NR2C2: variants seen among roughly 807,000 people sequenced by gnomAD.
The protein encoded by NR2C2 is nuclear receptor subfamily 2 group C member 2.
In NR2C2, 6 loss-of-function variants were observed where a neutral mutation model predicts 62.9. That is an observed-to-expected ratio of 0.10 (90% CI 0.05 to 0.19). The LOEUF (loss-of-function observed/expected upper bound fraction) is 0.19. Ranked by LOEUF, NR2C2 falls within the 10% of genes least tolerant of loss-of-function variation. The pLI is 1.00. For synonymous variants in NR2C2, 272 were observed against 273.8 expected, an observed-to-expected ratio of 0.99 and a Z score of 0.07; for missense variants, 479 against 762.7, an observed-to-expected ratio of 0.63 and a Z score of 4.38.
At chr3:14,970,869 AC>A (rs1215063105) in intron 1 of NR2C2, among the ~76,000 whole-genome samples, 1 of 152,206 alleles carries the variant, frequency 6.6e-6, no homozygotes, top group East Asian at 1.9e-4. Flanking sequence ...GGTTCAACTT[AC>A]AATTTTTTAA....
At position 15,043,118 on chromosome 3, in the gene NR2C2, T is replaced by G; in HGVS notation, c.*110T>G. On this transcript the variant is annotated 3_prime_UTR_variant, in exon 14 of 14. Transcript: ENST00000425241. ...GCAAATATTTCCATATGTTAGCCAT[T>G]TCCTGTCTGGTTTCTCCTTATCTGT... 1 of 1,045,194 alleles carries G rather than the reference T, an allele frequency of 9.6e-7. No homozygotes were observed. Among genetic ancestry groups the G allele is most frequent in the Non-Finnish European group, 1.3e-6 (1 of 759,860 alleles). The allele number at this position is 1,045,194 out of a possible 1,614,324, so 64.7% of individuals were successfully genotyped here. A position where few individuals can be genotyped will look rare whatever the true frequency, so the allele number is the denominator to read the frequency against.
At chr3:15,025,401 T>C (rs565500441) in intron 7 of NR2C2, among the ~76,000 whole-genome samples, 48 of 152,310 alleles carry the variant, frequency 3.2e-4, no homozygotes, top group Non-Finnish European at 6.5e-4. Flanking sequence ...TAAATGTTAA[T>C]GGTTAGGAAT....
intron 8 of NR2C2, 84 bp from the exon 9 acceptor site, chr3:15,030,191 A>G: frequency 8.9e-7 from 1 of 1,121,094 alleles, no homozygotes. Flanking sequence ...TTCCCACTGT[A>G]GTTTTTCTAA....
In NR2C2 at chr3:15,041,526, GAAAGGAA is replaced by G. The variant is rs112590838; in HGVS notation, c.1617-1296_1617-1290del. Among the ~76,000 whole-genome samples, 17 of 152,278 alleles carry G rather than the reference GAAAGGAA, an allele frequency of 1.1e-4. 1 individual carries two copies. Among genetic ancestry groups the G allele is most frequent in the South Asian group, 4.1e-4 (2 of 4,824 alleles). Reference sequence around the variant, plus strand: ...CTCTAGAAAAATTTAGAATGTTCTAGAAAGGAAAAAGGAAAAAGAAAACTTTTTAAAA... The same window carrying G: ...CTCTAGAAAAATTTAGAATGTTCTAGAAAGGAAAAAGAAAACTTTTTAAAA... On this transcript the variant is annotated intron_variant, in intron 13 of 13. Transcript: ENST00000425241.
At chr3:14,993,370 C>T (rs1203429737) in intron 1 of NR2C2, among the ~76,000 whole-genome samples, 6 of 151,626 alleles carry the variant, frequency 4.0e-5, no homozygotes, top group Non-Finnish European at 7.4e-5. Context: ...AGGAGAATCG[C>T]TTGAACCTGG....
chr3:14,955,433 C>CT (rs960675443), intron 1 of NR2C2, among the ~76,000 whole-genome samples: 43 of 149,054 alleles, frequency 2.9e-4, no homozygotes, highest in Middle Eastern at 3.5e-3. Context: ...TTTCCTGTCA[C>CT]TTTTTTTTTT....
In NR2C2 at chr3:14,973,296, G is replaced by A. The variant is rs1252685919; in HGVS notation, c.-40+25390G>A. Reference sequence around the variant, plus strand: ...GCTGGAATGCATTGGCACAAACATAGCTTAATCCAGCATAGACTTCCTGGG... The same window carrying A: ...GCTGGAATGCATTGGCACAAACATAACTTAATCCAGCATAGACTTCCTGGG... On this transcript the variant is annotated intron_variant, in intron 1 of 13. Coordinates refer to ENST00000425241, the MANE Select transcript of NR2C2 (RefSeq NM_001291694.2). Among the ~76,000 whole-genome samples the A allele has an allele frequency of 7.9e-5, 12 of 152,052 alleles. 1 individual carries two copies. The South Asian group carries it at 2.3e-3, about 29-fold the overall frequency.
At chr3:14,974,250 T>C (rs2040137586) in intron 1 of NR2C2, among the ~76,000 whole-genome samples, 1 of 152,248 alleles carries the variant, frequency 6.6e-6, no homozygotes, top group Admixed American at 6.5e-5. Context: ...TTTGTTTGTA[T>C]GTCTCTCTTT....
rs2042501966 is a variant in NR2C2 at position 15,047,611 on chromosome 3, T to C, written c.*4603T>C. ...CCTGACTCCCAAAGATGGTAGCAAT[T>C]TCCCAGGCTTGCGCTGTGCTCAGTC... is the stretch of plus-strand genomic sequence containing the variant. On this transcript the variant is annotated 3_prime_UTR_variant, in exon 14 of 14. Transcript: ENST00000425241. 6.6e-6 allele frequency: 1 copy of C among 152,212 alleles called. No individual in the cohort carries two copies. Among genetic ancestry groups the C allele is most frequent in the Non-Finnish European group, 1.5e-5 (1 of 68,044 alleles). 9.4% of individuals were successfully genotyped at this position (152,212 alleles called of 1,614,324 possible). A position where few individuals can be genotyped will look rare whatever the true frequency, so the allele number is the denominator to read the frequency against.
intron 1 of NR2C2, 128 bp from the exon 2 acceptor site, chr3:15,003,748 G>C (rs1252707606): frequency 3.4e-6 from 2 of 582,326 alleles, no homozygotes; most frequent in South Asian, 2.0e-5. Flanking sequence ...CATCCTTCTG[G>C]GTCCATACCT....
At chr3:14,955,434 T>G (rs2125224726) in intron 1 of NR2C2, among the ~76,000 whole-genome samples, 1 of 149,996 alleles carries the variant, frequency 6.7e-6, no homozygotes, top group Non-Finnish European at 1.5e-5. Context: ...TTCCTGTCAC[T>G]TTTTTTTTTC....
In NR2C2 at chr3:15,030,467, C is replaced by G. The variant is rs2041951052; in HGVS notation, c.1110+15C>G. ...TCACATTTAAGGTGAGTGAATTCAG[C>G]CTAACCATGTGCCCCCAACCTGCTG... On this transcript the variant is annotated intron_variant, in intron 9 of 13. Coordinates refer to ENST00000425241, the MANE Select transcript of NR2C2 (RefSeq NM_001291694.2). The G allele has an allele frequency of 1.9e-6, 3 of 1,556,804 alleles. No individual in the cohort carries two copies. The highest frequency in any genetic ancestry group is 2.6e-6 in the Non-Finnish European group (3 of 1,154,340).
At chr3:14,961,025 C>T (rs2039674957) in intron 1 of NR2C2, among the ~76,000 whole-genome samples, 1 of 152,194 alleles carries the variant, frequency 6.6e-6, no homozygotes, top group Non-Finnish European at 1.5e-5. Context: ...CTTATCTCCT[C>T]AGTTTCAGAC....
At chr3:14,999,725 G>T (rs2040935338) in intron 1 of NR2C2, among the ~76,000 whole-genome samples, 1 of 151,034 alleles carries the variant, frequency 6.6e-6, no homozygotes, top group Non-Finnish European at 1.5e-5. Flanking sequence ...CCCTGCATTT[G>T]ATTTCCACTT....
At chr3:15,030,677 A>G (rs1183217547) in intron 9 of NR2C2, among the ~76,000 whole-genome samples, 3 of 151,960 alleles carry the variant, frequency 2.0e-5, no homozygotes, top group Non-Finnish European at 4.4e-5. Context: ...AAAATACAAA[A>G]ATTAGTCGGG....
In NR2C2 at chr3:14,950,686, G is replaced by T. The variant is rs949312447; in HGVS notation, c.-40+2780G>T. ...TACACACTCTATTATGTGATTATTT[G>T]ATTAATGTCTGTCCTTACCACACTG... On this transcript the variant is annotated intron_variant, in intron 1 of 13. Coordinates refer to ENST00000425241, the MANE Select transcript of NR2C2 (RefSeq NM_001291694.2). Among the ~76,000 whole-genome samples the T allele has an allele frequency of 1.5e-4, 23 of 152,228 alleles. No homozygotes were observed. In the South Asian group the frequency reaches 2.1e-3, roughly 14 times the overall value.
At position 14,947,837 on chromosome 3, in the gene NR2C2, C is replaced by T. The variant is rs1419993395; in HGVS notation, c.-109C>T. The T allele has an allele frequency of 6.7e-6, 1 of 149,124 alleles. No homozygotes were observed. The highest frequency in any genetic ancestry group is 1.5e-5 in the Non-Finnish European group (1 of 66,756). The allele number at this position is 149,124 out of a possible 1,614,324, so 9.2% of individuals were successfully genotyped here. A position where few individuals can be genotyped will look rare whatever the true frequency, so the allele number is the denominator to read the frequency against. ...GAGCCCGGGCTCCCCGCGCCCTGCC[C>T]TCCGCGCCGGGGGCCGCCCGCCGCA... On this transcript the variant is annotated 5_prime_UTR_variant, in exon 1 of 14. Transcript: ENST00000425241.
intron 2 of NR2C2, chr3:15,004,565 A>G (rs1159060110): frequency 3.7e-6 from 6 of 1,612,408 alleles, no homozygotes; most frequent in Non-Finnish European, 5.1e-6. Flanking sequence ...AGGGCTCTGA[A>G]CCTGCCTCTG....
At chr3:14,996,393 A>G (rs2040833482) in intron 1 of NR2C2, among the ~76,000 whole-genome samples, 1 of 152,232 alleles carries the variant, frequency 6.6e-6, no homozygotes, top group South Asian at 2.1e-4. Flanking sequence ...TATAGTTTTT[A>G]TAACTTAGGT....
Sources: gnomAD v4.1 joint callset for allele counts (sites outside exome capture counted in the v4.1 genomes callset) on GRCh38, gnomAD v4.1.1 for gene constraint, MANE v1.5 for transcripts, NCBI Gene and HGNC (gene_info 2026-07-23, HGNC 2026-07-21) for gene names.